TYW1B: variants seen among roughly 807,000 people sequenced by gnomAD.
The protein encoded by TYW1B is S-adenosyl-L-methionine-dependent tRNA 4-demethylwyosine synthase TYW1B.
TYW1B carries 73 observed loss-of-function variants against 86.9 expected under a neutral mutation model. That is an observed-to-expected ratio of 0.84 (90% CI 0.70 to 1.02). The LOEUF (loss-of-function observed/expected upper bound fraction) is 1.02, where lower values mean the gene tolerates loss of function less well. Ranked by LOEUF, TYW1B falls within the 50% of genes least tolerant of loss-of-function variation. The pLI is 0.00. For synonymous variants in TYW1B, 248 were observed against 292.8 expected (o/e 0.85, Z 1.56); for missense variants, 637 against 827.4 (o/e 0.77, Z 2.82).
chr7:72,632,389 T>TATATATATAATATATATATAC lies in TYW1B; in HGVS notation c.1507-3393_1507-3392insGTATATATATATTATATATAT, dbSNP rs1563038710. On this transcript the variant is annotated intron_variant, in intron 11 of 13. Coordinates refer to ENST00000620995, the MANE Select transcript of TYW1B (RefSeq NM_001145440.3). Reference sequence around the variant, plus strand: ...TACGCATATATATTATATATATACGTATATATATATAATATATATATACAT... The same window carrying TATATATATAATATATATATAC: ...TACGCATATATATTATATATATACGTATATATATAATATATATATACATATATATATAATATATATATACAT... Among the ~76,000 whole-genome samples the TATATATATAATATATATATAC allele has an allele frequency of 6.5e-4, 60 of 92,158 alleles. No individual in the cohort carries two copies. In the East Asian group the frequency reaches 0.012, roughly 19 times the overall value. The allele number at this position is 92,158 out of a possible 152,430, so 60.5% of individuals were successfully genotyped here.
Position 72,724,588 on chromosome 7 carries a change from A to G in TYW1B, c.1192+4234T>C, listed in dbSNP as rs115821856. Among the ~76,000 whole-genome samples, 1,101 of 152,320 alleles carry G rather than the reference A, an allele frequency of 7.2e-3. 19 individuals carry two copies. The highest frequency in any genetic ancestry group is 0.026 in the African/African-American group (1,073 of 41,586). On this transcript the variant is annotated intron_variant, in intron 9 of 13. Coordinates refer to ENST00000620995, the MANE Select transcript of TYW1B (RefSeq NM_001145440.3). ...TTCAAACATGCACCTGTTTTCTACTAGCTTCAAGAAAAACTGCTTTGCTAA... is the reference window on the plus strand; with the variant it reads ...TTCAAACATGCACCTGTTTTCTACTGGCTTCAAGAAAAACTGCTTTGCTAA...
chr7:72,788,811 G>T (rs1554472937), intron 6 of TYW1B, among the ~76,000 whole-genome samples: 1 of 151,892 alleles, frequency 6.6e-6, no homozygotes, highest in Non-Finnish European at 1.5e-5. Flanking sequence ...GGGATTACAG[G>T]TGTGAGCCAT....
intron 7 of TYW1B, among the ~76,000 whole-genome samples, chr7:72,767,542 G>A (rs13307061): frequency 0.056 from 8,521 of 151,920 alleles, 558 homozygotes; most frequent in East Asian, 0.33. Flanking sequence ...CCTGGGAGGC[G>A]GAGCCTGCAG....
At chr7:72,774,954 C>T (rs56412572) in intron 7 of TYW1B, among the ~76,000 whole-genome samples, 119,024 of 151,826 alleles carry the variant, frequency 0.78, 46,840 homozygotes, top group Non-Finnish European at 0.8. Flanking sequence ...AAAAAGGTAA[C>T]AGATGTGGAA....
intron 11 of TYW1B, among the ~76,000 whole-genome samples, chr7:72,672,677 G>A (rs1205080305): frequency 7.9e-5 from 12 of 152,146 alleles, no homozygotes; most frequent in Non-Finnish European, 1.5e-5. Context: ...AGGGTGAACT[G>A]CAGGACAGTA....
chr7:72,810,392 T>C, intron 4 of TYW1B, 79 bp downstream of exon 4: 2 of 113,204 alleles, frequency 1.8e-5, no homozygotes, highest in Non-Finnish European at 1.6e-5. Context: ...GCACGTGTGT[T>C]TGTGTGTGTG....
intron 12 of TYW1B, among the ~76,000 whole-genome samples, chr7:72,624,412 A>G (rs1324702979): frequency 2.6e-5 from 4 of 152,262 alleles, no homozygotes; most frequent in African/African-American, 9.6e-5. Flanking sequence ...ACATCTGAAC[A>G]TACAACATTG....
chr7:72,825,865 T>C (rs1474192113), intron 2 of TYW1B, among the ~76,000 whole-genome samples: 1 of 151,952 alleles, frequency 6.6e-6, no homozygotes, highest in Non-Finnish European at 1.5e-5. Flanking sequence ...CTCAAGACAG[T>C]GACCATCAGA....
intron 8 of TYW1B, among the ~76,000 whole-genome samples, chr7:72,738,088 CT>C (rs60979976): frequency 2.1e-4 from 27 of 127,920 alleles, no homozygotes; most frequent in Middle Eastern, 4.3e-3. Context: ...TTCTTTCTTT[CT>C]TTTTTTTTTT....
At chr7:72,630,610 T>C (rs1266901997) in intron 11 of TYW1B, among the ~76,000 whole-genome samples, 1 of 152,100 alleles carries the variant, frequency 6.6e-6, no homozygotes, top group Non-Finnish European at 1.5e-5. Context: ...GAAGAAACAC[T>C]TGAAATCTTC....
At chr7:72,617,798 T>C (rs1585851407) in intron 12 of TYW1B, among the ~76,000 whole-genome samples, 1 of 152,280 alleles carries the variant, frequency 6.6e-6, no homozygotes, top group African/African-American at 2.4e-5. Flanking sequence ...TACACATGTA[T>C]TTCACCAACA....
intron 7 of TYW1B, among the ~76,000 whole-genome samples, chr7:72,749,437 G>A (rs1787456371): frequency 6.6e-6 from 1 of 152,116 alleles, no homozygotes; most frequent in African/African-American, 2.4e-5. Context: ...GGGACTACAG[G>A]CACCCACCAC....
chr7:72,593,820 T>TTA (rs1811461434), intron 13 of TYW1B, among the ~76,000 whole-genome samples: 1 of 43,674 alleles, frequency 2.3e-5, no homozygotes, highest in African/African-American at 9.4e-5. Context: ...AGACTCCATC[T>TTA]AAAAAAAAAA....
intron 6 of TYW1B, among the ~76,000 whole-genome samples, chr7:72,792,661 C>T (rs1554473757): frequency 6.6e-6 from 1 of 152,116 alleles, no homozygotes; most frequent in Admixed American, 6.6e-5. Context: ...ATATCAGCCA[C>T]AAAAAATATG....
chr7:72,686,521 AAAG>A (rs1554449429), intron 11 of TYW1B, among the ~76,000 whole-genome samples: 1 of 152,208 alleles, frequency 6.6e-6, no homozygotes, highest in Non-Finnish European at 1.5e-5. Flanking sequence ...GCAGACAGTA[AAAG>A]ATCCATCCAT....
At chr7:72,646,849 T>C (rs116810960) in intron 11 of TYW1B, among the ~76,000 whole-genome samples, 1,884 of 152,272 alleles carry the variant, frequency 0.012, 18 homozygotes, top group African/African-American at 0.042. Flanking sequence ...CTACAAGGAA[T>C]TGGTTATATT....
chr7:72,658,116 G>T (rs1475809276), intron 11 of TYW1B, among the ~76,000 whole-genome samples: 1 of 152,150 alleles, frequency 6.6e-6, no homozygotes, highest in Non-Finnish European at 1.5e-5. Context: ...AAATTAGCCA[G>T]GTGTGGTGGC....
At chr7:72,689,256 AAAG>A (rs1330699419) in intron 11 of TYW1B, among the ~76,000 whole-genome samples, 1 of 152,192 alleles carries the variant, frequency 6.6e-6, no homozygotes, top group Non-Finnish European at 1.5e-5. Context: ...AAAGGAAAGG[AAAG>A]AAGAAGATAT....
At chr7:72,821,263 C>T (rs1235521714) in intron 2 of TYW1B, among the ~76,000 whole-genome samples, 2 of 152,194 alleles carry the variant, frequency 1.3e-5, no homozygotes, top group African/African-American at 2.4e-5. Flanking sequence ...CATGAGCCAT[C>T]ACACCTGTCC....
Sources: allele counts gnomAD v4.1 joint callset (sites outside exome capture counted in the v4.1 genomes callset), GRCh38; gene constraint gnomAD v4.1.1; transcripts MANE v1.5; gene names NCBI Gene and HGNC (gene_info 2026-07-23, HGNC 2026-07-21).